DRG2: variants seen among roughly 807,000 people sequenced by gnomAD.
The protein encoded by DRG2 is developmentally-regulated GTP-binding protein 2.
Under a neutral mutation model 53.4 loss-of-function variants are expected in DRG2, and 36 were observed. That is an observed-to-expected ratio of 0.67 (90% CI 0.52 to 0.89). The LOEUF is 0.89. Ranked by LOEUF, DRG2 falls within the 40% of genes least tolerant of loss-of-function variation. The pLI is 0.00. For missense variants in DRG2, 342 were observed against 481.2 expected (o/e 0.71, Z 2.71); for synonymous variants, 167 against 192.1 (o/e 0.87, Z 1.08).
intron 11 of DRG2, among the ~76,000 whole-genome samples, chr17:18,105,186 G>T (rs1288147802): frequency 1.3e-5 from 2 of 152,182 alleles, no homozygotes; most frequent in African/African-American, 4.8e-5. Flanking sequence ...AGGGGAGGTG[G>T]TCTGGGCTCA....
chr17:18,099,248 G>A lies in DRG2; in HGVS notation c.376+171G>A. 1.2e-6 allele frequency: 1 copy of A among 815,300 alleles called. No individual in the cohort carries two copies. Among genetic ancestry groups the A allele is most frequent in the Non-Finnish European group, 1.9e-6 (1 of 522,808 alleles). The allele number at this position is 815,300 out of a possible 1,614,324, so 50.5% of individuals were successfully genotyped here. On this transcript the variant is annotated intron_variant, in intron 4 of 12. Transcript: ENST00000225729. This position sits in a 1 kb window ranked among gnomAD's most constrained non-coding sequence, Gnocchi z 4.4. The stretch of plus-strand genomic sequence containing the variant: ...GGCACCAAACTAGCCTTGTGATCTT[G>A]GGCAAGTGATTGGGTATCTCTAAGC...
At position 18,101,542 on chromosome 17, in the gene DRG2, G is replaced by A; in HGVS notation, c.681G>A (p.Glu227=). 2 of 1,614,184 alleles carry A rather than the reference G, an allele frequency of 1.2e-6. No homozygotes were observed. Among genetic ancestry groups the A allele is most frequent in the Non-Finnish European group, 1.7e-6 (2 of 1,180,052 alleles). ...TCCGAGAAGACTGCTCCCCGGACGA[G>A]TTCATCGATGTGATCGTGGGCAACC... ...VLFREDCSPD[E]FIDVIVGNRV... is the part of the protein sequence containing the mutation. Residue 227 remains glutamate, a synonymous_variant, in exon 8 of 13, where the codon GAG becomes GAA. Coordinates refer to ENST00000225729, the MANE Select transcript of DRG2 (RefSeq NM_001388.5).
chr17:18,088,176 GGGCA>G, intron 1 of DRG2, 89 bp downstream of exon 1: 1 of 1,444,380 alleles, frequency 6.9e-7, no homozygotes, highest in Non-Finnish European at 9.3e-7. Context: ...AGTAATGCTG[GGGCA>G]AGATCCGAGG....
At chr17:18,090,797 A>G (rs1030451044) in intron 1 of DRG2, among the ~76,000 whole-genome samples, 1 of 150,860 alleles carries the variant, frequency 6.6e-6, no homozygotes, top group Non-Finnish European at 1.5e-5. Context: ...AGCTTCCCCA[A>G]AGTGTTGGGA....
intron 2 of DRG2, 133 bp downstream of exon 2, chr17:18,094,106 C>G: frequency 8.2e-7 from 1 of 1,214,234 alleles, no homozygotes; most frequent in Non-Finnish European, 1.1e-6. Flanking sequence ...CCCCCAGGGT[C>G]AGATCCCAGC....
rs772897657 is a variant in DRG2 at position 18,098,406 on chromosome 17, G to T, written c.315+47G>T. 6.4e-7 allele frequency: 1 copy of T among 1,557,156 alleles called. No individual in the cohort carries two copies. The highest frequency in any genetic ancestry group is 8.9e-7 in the Non-Finnish European group (1 of 1,129,354). On this transcript the variant is annotated intron_variant, in intron 3 of 12. Coordinates refer to ENST00000225729, the MANE Select transcript of DRG2 (RefSeq NM_001388.5). The surrounding 1 kb of genome is among the most constrained non-coding windows in gnomAD (Gnocchi z 4.1). ...AGAAGGAGAAGGGGCGCATGCTTGT[G>T]TTTGGACTTGTGCCTGTGCCCACCC... is the stretch of plus-strand genomic sequence containing the variant.
At chr17:18,104,705 A>AC in intron 11 of DRG2, 24 bp downstream of exon 11, 1 of 1,613,860 alleles carries the variant, frequency 6.2e-7, no homozygotes, top group Non-Finnish European at 8.5e-7. Flanking sequence ...ACCTGCCGTG[A>AC]CAAGGGGTGG....
chr17:18,107,969 G>T lies in DRG2; in HGVS notation c.*729G>T, dbSNP rs2045674862. On this transcript the variant is annotated 3_prime_UTR_variant, in exon 13 of 13. Coordinates refer to ENST00000225729, the MANE Select transcript of DRG2 (RefSeq NM_001388.5). Reference sequence around the variant, plus strand: ...TTTCTGAAATAAAGGATTGAAAACGGTTCCTGTTCAGACTGAGAACACTTT... The same window carrying T: ...TTTCTGAAATAAAGGATTGAAAACGTTTCCTGTTCAGACTGAGAACACTTT... 1 of 152,330 alleles carries T rather than the reference G, an allele frequency of 6.6e-6. No homozygotes were observed. Among genetic ancestry groups the T allele is most frequent in the Non-Finnish European group, 1.5e-5 (1 of 68,126 alleles). The allele number at this position is 152,330 out of a possible 1,614,324, so 9.4% of individuals were successfully genotyped here. A position where few individuals can be genotyped will look rare whatever the true frequency, so the allele number is the denominator to read the frequency against.
At chr17:18,107,106 TGGCCAGTCCA>T in intron 12 of DRG2, 38 bp from the exon 13 acceptor site, 1 of 1,577,098 alleles carries the variant, frequency 6.3e-7, no homozygotes, top group Non-Finnish European at 8.7e-7. Flanking sequence ...TCCTTGACCT[TGGCCAGTCCA>T]GGCTGAGGTG....
chr17:18,091,726 C>T lies in DRG2; in HGVS notation c.65-2087C>T, dbSNP rs1001270265. ...ACAAAAAATTAGCTGGGCATGGTGG[C>T]GTGTGCCTGTAGTCCCAGCTACTTG... is the stretch of plus-strand genomic sequence containing the variant. On this transcript the variant is annotated intron_variant, in intron 1 of 12. Transcript: ENST00000225729. Among the ~76,000 whole-genome samples, 3 of 151,966 alleles carry T rather than the reference C, an allele frequency of 2.0e-5. No homozygotes were observed. The East Asian group carries it at 5.8e-4, about 29-fold the overall frequency.
At chr17:18,104,830 G>C in intron 11 of DRG2, 149 bp downstream of exon 11, 1 of 1,340,666 alleles carries the variant, frequency 7.5e-7, no homozygotes, top group East Asian at 2.5e-5. Context: ...GACAGCCTGG[G>C]GCTGCGTCTG....
In DRG2 at chr17:18,098,928, CG is replaced by C; in HGVS notation, c.316-85del. On this transcript the variant is annotated intron_variant, in intron 3 of 12. Coordinates refer to ENST00000225729, the MANE Select transcript of DRG2 (RefSeq NM_001388.5). The surrounding 1 kb of genome is among the most constrained non-coding windows in gnomAD (Gnocchi z 4.1). Reference sequence around the variant, plus strand: ...TGGGTTTCCCTCAGCCCCTGAGCCCCGGGGCCATTCCAGATGTCCCAGATCC... The same window carrying C: ...TGGGTTTCCCTCAGCCCCTGAGCCCCGGGCCATTCCAGATGTCCCAGATCC... The C allele has an allele frequency of 6.7e-7, 1 of 1,485,828 alleles. No individual in the cohort carries two copies. The allele number at this position is 1,485,828 out of a possible 1,614,324, so 92.0% of individuals were successfully genotyped here.
chr17:18,102,894 C>A (rs1242600394), intron 9 of DRG2, among the ~76,000 whole-genome samples: 2 of 152,190 alleles, frequency 1.3e-5, no homozygotes, highest in Non-Finnish European at 2.9e-5. Flanking sequence ...TTGGGGCAGA[C>A]TGATTCAGGT....
At chr17:18,095,034 G>A (rs2045407596) in intron 2 of DRG2, among the ~76,000 whole-genome samples, 1 of 141,472 alleles carries the variant, frequency 7.1e-6, no homozygotes, top group African/African-American at 2.6e-5. Context: ...GCTCTGTTTA[G>A]CGTATAATCT....
At position 18,098,398 on chromosome 17, in the gene DRG2, A is replaced by G. The variant is rs531914511; in HGVS notation, c.315+39A>G. On this transcript the variant is annotated intron_variant, in intron 3 of 12. Coordinates refer to ENST00000225729, the MANE Select transcript of DRG2 (RefSeq NM_001388.5). This position sits in a 1 kb window ranked among gnomAD's most constrained non-coding sequence, Gnocchi z 4.1. ...CTGGGCCCAGAAGGAGAAGGGGCGC[A>G]TGCTTGTGTTTGGACTTGTGCCTGT... is the stretch of plus-strand genomic sequence containing the variant. 2.5e-5 allele frequency: 39 copies of G among 1,586,650 alleles called. 1 individual carries two copies. The South Asian group carries it at 4.0e-4, about 16-fold the overall frequency.
rs985173360 is a variant in DRG2, at chr17:18,107,762, A to G, written c.*522A>G. 7.9e-5 allele frequency: 13 copies of G among 165,430 alleles called. No individual in the cohort carries two copies. Among genetic ancestry groups the G allele is most frequent in the South Asian group, 1.6e-4 (1 of 6,286 alleles). The allele number at this position is 165,430 out of a possible 1,614,324, so 10.2% of individuals were successfully genotyped here. ...TGGGAACCAGTGGTTAGTGGCTTCA[A>G]AGGCCCAGCTGACACCCTCCACAGC... On this transcript the variant is annotated 3_prime_UTR_variant, in exon 13 of 13. Coordinates refer to ENST00000225729, the MANE Select transcript of DRG2 (RefSeq NM_001388.5).
At position 18,104,639 on chromosome 17, in the gene DRG2, A is replaced by G; in HGVS notation, c.912A>G (p.Thr304=). ...TKKRGQRPDF[T]DAIILRKGAS... ...GCCCTGCAGAGAGGCCAGACTTCAC[A>G]GACGCCATCATTCTCCGGAAAGGGG... The change falls in exon 11 of 13, where the codon ACA becomes ACG. Residue 304 remains threonine (T), a synonymous_variant. Coordinates refer to ENST00000225729, the MANE Select transcript of DRG2 (RefSeq NM_001388.5). 6.2e-7 allele frequency: 1 copy of G among 1,613,890 alleles called. No homozygotes were observed.
rs761681447 is a variant in DRG2, at chr17:18,099,013, CT to C, written c.316-3del. ...CCTTACCTTTCTTCTCTTCTGCATC[CT>C]AGTACAAAGGTGCCAACATCCAGCT... On this transcript the variant is annotated splice_polypyrimidine_tract_variant and splice_region_variant and intron_variant, in intron 3 of 12. Transcript: ENST00000225729. This position sits in a 1 kb window ranked among gnomAD's most constrained non-coding sequence, Gnocchi z 4.4. 3.7e-6 allele frequency: 6 copies of C among 1,614,042 alleles called. No individual in the cohort carries two copies. The highest frequency in any genetic ancestry group is 5.1e-6 in the Non-Finnish European group (6 of 1,179,960).
Position 18,101,945 on chromosome 17 carries a change from T to C in DRG2, c.754T>C (p.Ser252Pro), listed in dbSNP as rs757436313. The C allele has an allele frequency of 3.7e-6, 6 of 1,612,644 alleles. No homozygotes were observed. The Admixed American group carries it at 1.0e-4, about 27-fold the overall frequency. Reference protein sequence around the residue: ...LYVYNKIDQISMEEVDRLARK... With the variant: ...LYVYNKIDQIPMEEVDRLARK... ...GGTTTATAACAAAATCGACCAGATC[T>C]CCATGGAAGAGGTGGACCGCCTGGC... Residue 252 changes from serine to proline, a missense_variant, in exon 9 of 13, where the codon TCC becomes CCC. Transcript: ENST00000225729.
Sources: allele counts gnomAD v4.1 joint callset (sites outside exome capture counted in the v4.1 genomes callset), GRCh38; gene constraint gnomAD v4.1.1; non-coding constraint Gnocchi (gnomAD v3.1); transcripts MANE v1.5; gene names NCBI Gene and HGNC (gene_info 2026-07-23, HGNC 2026-07-21).